Variants in CHST15 observed in about 807,000 individuals in gnomAD.
The protein encoded by CHST15 is carbohydrate sulfotransferase 15.
Under a neutral mutation model 53.6 loss-of-function variants are expected in CHST15, and 30 were observed. The observed-to-expected ratio is 0.56, with a 90% CI of 0.42 to 0.76. The LOEUF (loss-of-function observed/expected upper bound fraction) is 0.76. Among genes scored for constraint, CHST15 ranks in the 30% least tolerant of loss-of-function variants. The pLI, the probability that CHST15 is intolerant of heterozygous loss-of-function variation, is 0.00. For missense variants in CHST15, 627 were observed against 740.5 expected (o/e 0.85, Z 1.78); for synonymous variants, 296 against 289.8 (o/e 1.02, Z -0.22).
chr10:124,010,472 T>C, intron 7 of CHST15, 133 bp from the exon 8 acceptor site: 1 of 1,409,084 alleles, frequency 7.1e-7, no homozygotes, highest in Non-Finnish European at 9.2e-7. Flanking sequence ...GGGATTAAAA[T>C]TCTTTGGCTG....
chr10:124,088,197 C>T (rs996366596), intron 1 of CHST15, among the ~76,000 whole-genome samples: 1 of 152,224 alleles, frequency 6.6e-6, no homozygotes, highest in Non-Finnish European at 1.5e-5. Flanking sequence ...AGCCAGGGGG[C>T]GAAGTCTTCC....
chr10:124,046,413 GAAAAC>G lies in CHST15; in HGVS notation c.-206_-202del. 1.9e-6 allele frequency: 1 copy of G among 537,900 alleles called. No individual in the cohort carries two copies. Among genetic ancestry groups the G allele is most frequent in the South Asian group, 3.0e-5 (1 of 33,408 alleles). The allele number at this position is 537,900 out of a possible 1,614,324, so 33.3% of individuals were successfully genotyped here. A position where few individuals can be genotyped will look rare whatever the true frequency, so the allele number is the denominator to read the frequency against. On this transcript the variant is annotated 5_prime_UTR_variant, in exon 2 of 8. The change creates a premature stop within an existing upstream ORF in the 5' untranslated region. Transcript: ENST00000435907. ...CACATTCTTTGGTTCAGCTCCGAAA[GAAAAC>G]AAAAGGAAGTGATGTCCCAGAGTCA...
rs77378057 is a variant in CHST15 at position 124,019,315 on chromosome 10, C to T, written c.1347+1941G>A. 0.011 allele frequency among the ~76,000 whole-genome samples: 1,708 copies of T among 152,254 alleles called. 32 individuals are homozygous for T. Among genetic ancestry groups the T allele is most frequent in the African/African-American group, 0.039 (1,635 of 41,552 alleles). Reference sequence around the variant, plus strand: ...GCCCTCAGGGAGCTGCCTTGAGGACCGGGTGGGCTGCCCTGCCTGCTCTCT... The same window carrying T: ...GCCCTCAGGGAGCTGCCTTGAGGACTGGGTGGGCTGCCCTGCCTGCTCTCT... On this transcript the variant is annotated intron_variant, in intron 6 of 7. Transcript: ENST00000435907. This position sits in a 1 kb window ranked among gnomAD's most constrained non-coding sequence, Gnocchi z 4.6.
chr10:124,018,851 A>AAT (rs1398990844), intron 6 of CHST15, among the ~76,000 whole-genome samples: 1 of 152,162 alleles, frequency 6.6e-6, no homozygotes, highest in African/African-American at 2.4e-5. Context: ...GAATCAGGGC[A>AAT]ATAGCAGAGG....
intron 1 of CHST15, among the ~76,000 whole-genome samples, chr10:124,064,510 T>C (rs1948690965): frequency 6.6e-6 from 1 of 152,114 alleles, no homozygotes; most frequent in South Asian, 2.1e-4. Flanking sequence ...CTGTGGGGCT[T>C]GCGGCCCGGG....
chr10:124,036,107 C>A lies in CHST15; in HGVS notation c.1190+2408G>T, dbSNP rs566969840. Among the ~76,000 whole-genome samples, 1 of 152,352 alleles carries A rather than the reference C, an allele frequency of 6.6e-6. No individual in the cohort carries two copies. Among genetic ancestry groups the A allele is most frequent in the South Asian group, 2.1e-4 (1 of 4,826 alleles). ...GACAGGAAAACATTTGATGAGCACA[C>A]CGAGCACTTGCGCCCTTCAGCTGGG... On this transcript the variant is annotated intron_variant, in intron 5 of 7. Transcript: ENST00000435907. This position sits in a 1 kb window ranked among gnomAD's most constrained non-coding sequence, Gnocchi z 5.1.
chr10:124,067,270 G>A (rs867881908), intron 1 of CHST15, among the ~76,000 whole-genome samples: 2 of 152,340 alleles, frequency 1.3e-5, no homozygotes, highest in South Asian at 4.1e-4. Flanking sequence ...CACATCATTC[G>A]TGGAAATCTC....
At position 124,009,058 on chromosome 10, in the gene CHST15, G is replaced by T. The variant is rs1239893218; in HGVS notation, c.*1091C>A. The T allele has an allele frequency of 7.0e-6, 9 of 1,286,462 alleles. No individual in the cohort carries two copies. Among genetic ancestry groups the T allele is most frequent in the Non-Finnish European group, 9.1e-6 (9 of 986,482 alleles). The allele number at this position is 1,286,462 out of a possible 1,614,324, so 79.7% of individuals were successfully genotyped here. On this transcript the variant is annotated 3_prime_UTR_variant, in exon 8 of 8. Coordinates refer to ENST00000435907, the MANE Select transcript of CHST15 (RefSeq NM_001270764.2). ...ACGAGTATCTATAGTCCCTTGCTGGGTGAGGAACTTTGACCACACGCAGTG... is the reference window on the plus strand; with the variant it reads ...ACGAGTATCTATAGTCCCTTGCTGGTTGAGGAACTTTGACCACACGCAGTG...
chr10:124,031,113 G>A (rs1331861138), intron 5 of CHST15, among the ~76,000 whole-genome samples: 1 of 152,216 alleles, frequency 6.6e-6, no homozygotes, highest in Non-Finnish European at 1.5e-5. Context: ...TCCACAGGTG[G>A]TCCTGTCCAA....
chr10:124,059,438 C>A (rs1464981421), intron 1 of CHST15, among the ~76,000 whole-genome samples: 1 of 152,074 alleles, frequency 6.6e-6, no homozygotes, highest in African/African-American at 2.4e-5. Flanking sequence ...AAAGCAGCAG[C>A]CCAGAGTATA....
At chr10:124,070,858 G>A (rs960316231) in intron 1 of CHST15, among the ~76,000 whole-genome samples, 2 of 152,112 alleles carry the variant, frequency 1.3e-5, no homozygotes, top group African/African-American at 4.8e-5. Context: ...ATGAGAACCC[G>A]CCGACCCACT....
At chr10:124,026,993 C>A (rs1047362513) in intron 5 of CHST15, among the ~76,000 whole-genome samples, 48 of 152,150 alleles carry the variant, frequency 3.2e-4, no homozygotes, top group African/African-American at 1.0e-3. Context: ...TCATACCCTC[C>A]CAGCCCTGAG....
At chr10:124,029,470 G>A (rs1050849133) in intron 5 of CHST15, among the ~76,000 whole-genome samples, 2 of 152,222 alleles carry the variant, frequency 1.3e-5, no homozygotes, top group African/African-American at 4.8e-5. Context: ...CCTTGTGCAC[G>A]AGTGGGGTTC....
At chr10:124,039,315 C>T (rs566419493) in intron 4 of CHST15, among the ~76,000 whole-genome samples, 15 of 152,042 alleles carry the variant, frequency 9.9e-5, no homozygotes, top group African/African-American at 1.7e-4. Context: ...CGGGAGGAGC[C>T]GAGAACTGGT....
intron 1 of CHST15, among the ~76,000 whole-genome samples, chr10:124,058,203 G>A (rs1341089785): frequency 2.6e-5 from 4 of 152,168 alleles, no homozygotes; most frequent in Non-Finnish European, 5.9e-5. Context: ...AGGGTGTGCC[G>A]AGAAGCGCGT....
chr10:124,059,097 G>C (rs1948475616), intron 1 of CHST15, among the ~76,000 whole-genome samples: 1 of 152,088 alleles, frequency 6.6e-6, no homozygotes, highest in Admixed American at 6.5e-5. Context: ...CCGGCCACAC[G>C]GTTTAACCAG....
At chr10:124,042,225 G>C in intron 4 of CHST15, 76 bp downstream of exon 4, 1 of 1,470,474 alleles carries the variant, frequency 6.8e-7, no homozygotes, top group Non-Finnish European at 9.2e-7. Context: ...GTGAAGCAGA[G>C]CTGGGCTAGG....
chr10:124,058,787 A>C (rs868732418), intron 1 of CHST15, among the ~76,000 whole-genome samples: 1 of 152,238 alleles, frequency 6.6e-6, no homozygotes, highest in African/African-American at 2.4e-5. Context: ...AAAGCATGGC[A>C]AATATCCAGC....
chr10:124,077,500 TAC>T (rs1484912643), intron 1 of CHST15, among the ~76,000 whole-genome samples: 18 of 152,274 alleles, frequency 1.2e-4, no homozygotes, highest in African/African-American at 4.3e-4. Context: ...AGCCGAGGCT[TAC>T]ACTCTTTCAG....
Sources: gnomAD v4.1 joint callset for allele counts (sites outside exome capture counted in the v4.1 genomes callset) on GRCh38, gnomAD v4.1.1 for gene constraint, Gnocchi (gnomAD v3.1) non-coding constraint, MANE v1.5 for transcripts, NCBI Gene and HGNC (gene_info 2026-07-23, HGNC 2026-07-21) for gene names.